Variants in CACNA2D1 observed in about 807,000 individuals in gnomAD.
CACNA2D1 encodes the protein calcium voltage-gated channel auxiliary subunit alpha2delta 1, also known as voltage-dependent calcium channel subunit alpha-2/delta-1.
In CACNA2D1, 53 loss-of-function variants were observed where a neutral mutation model predicts 171.5. The observed-to-expected ratio is 0.31, with a 90% confidence interval of 0.25 to 0.39. The LOEUF (loss-of-function observed/expected upper bound fraction) is 0.39. Ranked by LOEUF, CACNA2D1 falls within the 10% of genes least tolerant of loss-of-function variation. The pLI is 1.00. For synonymous variants in CACNA2D1, 442 were observed against 443.1 expected (o/e 1.00, Z 0.03); for missense variants, 903 against 1,299.8 (o/e 0.69, Z 4.69).
intron 1 of CACNA2D1, among the ~76,000 whole-genome samples, chr7:82,390,686 CAT>C (rs1314185289): frequency 2.0e-5 from 3 of 152,240 alleles, no homozygotes; most frequent in Admixed American, 2.0e-4. Context: ...TCAAACGACT[CAT>C]GTGATATATT....
chr7:82,039,869 G>C (rs1216784090), intron 10 of CACNA2D1, among the ~76,000 whole-genome samples: 1 of 152,172 alleles, frequency 6.6e-6, no homozygotes. Context: ...GAGGACAAAA[G>C]ACATAAAATG....
At chr7:81,981,260 A>T (rs1054947333) in intron 24 of CACNA2D1, among the ~76,000 whole-genome samples, 2 of 152,160 alleles carry the variant, frequency 1.3e-5, no homozygotes, top group African/African-American at 4.8e-5. Flanking sequence ...AACTCATGAA[A>T]GAGACAGTGA....
Position 81,965,596 on chromosome 7 carries a change from G to A in CACNA2D1, c.2572C>T (p.Gln858Ter), listed in dbSNP as rs1554331310. 1 of 1,528,070 alleles carries A rather than the reference G, an allele frequency of 6.5e-7. No individual in the cohort carries two copies. The highest frequency in any genetic ancestry group is 9.1e-7 in the Non-Finnish European group (1 of 1,102,460). The allele number at this position is 1,528,070 out of a possible 1,614,324, so 94.7% of individuals were successfully genotyped here. A position where few individuals can be genotyped will look rare whatever the true frequency, so the allele number is the denominator to read the frequency against. Residue 858 changes from glutamine (Q) to a stop codon, truncating the protein, a stop_gained and splice_region_variant, in exon 32 of 39, where the codon CAG (glutamine) becomes TAG (stop). Coordinates refer to ENST00000356860, the MANE Select transcript of CACNA2D1 (RefSeq NM_000722.4). LOFTEE classifies it high-confidence loss of function. Reference protein sequence around the residue: ...LMANHDDYTNQIGRFFGEIDP... With the variant: ...LMANHDDYTN ...TCCCTCTTATTTGAGGTACATACCT[G>A]ATTAGTATAATCATCATGATTTGCC...
chr7:82,298,162 C>T (rs1812537315), intron 3 of CACNA2D1, among the ~76,000 whole-genome samples: 1 of 152,102 alleles, frequency 6.6e-6, no homozygotes, highest in African/African-American at 2.4e-5. Flanking sequence ...GCTCCAGTAG[C>T]AAATAATGAC....
At chr7:82,194,666 A>G (rs2129192764) in intron 3 of CACNA2D1, among the ~76,000 whole-genome samples, 1 of 152,096 alleles carries the variant, frequency 6.6e-6, no homozygotes, top group East Asian at 1.9e-4. Context: ...ATGAAAAATT[A>G]ATTTTGAAAA....
At chr7:82,274,888 A>ATGAATGAG (rs1383883227) in intron 3 of CACNA2D1, among the ~76,000 whole-genome samples, 2 of 152,060 alleles carry the variant, frequency 1.3e-5, no homozygotes, top group East Asian at 3.8e-4. Flanking sequence ...GAATGAATGA[A>ATGAATGAG]TAATGGCCAA....
At chr7:82,205,150 T>C (rs1585094417) in intron 3 of CACNA2D1, among the ~76,000 whole-genome samples, 1 of 152,196 alleles carries the variant, frequency 6.6e-6, no homozygotes, top group Admixed American at 6.5e-5. Flanking sequence ...GAGTGTTCTT[T>C]CAGCTACCTG....
At chr7:81,967,693 G>C in intron 29 of CACNA2D1, 30 bp from the exon 30 acceptor site, 1 of 1,038,672 alleles carries the variant, frequency 9.6e-7, no homozygotes, top group South Asian at 1.3e-5. Context: ...TAATTCAAAG[G>C]TATAATTAGA....
intron 17 of CACNA2D1, 82 bp downstream of exon 17, chr7:82,005,683 T>C: frequency 9.7e-7 from 1 of 1,035,872 alleles, no homozygotes; most frequent in Non-Finnish European, 1.5e-6. Context: ...CCCATAATTT[T>C]TGAGAATTAC....
chr7:82,238,583 C>T (rs1395609690), intron 3 of CACNA2D1, among the ~76,000 whole-genome samples: 5 of 151,714 alleles, frequency 3.3e-5, no homozygotes, highest in African/African-American at 9.7e-5. Flanking sequence ...ATGCTGGCAA[C>T]GTTGCAGAAA....
At chr7:82,367,841 T>A (rs1041617135) in intron 1 of CACNA2D1, among the ~76,000 whole-genome samples, 5 of 152,064 alleles carry the variant, frequency 3.3e-5, no homozygotes, top group African/African-American at 1.2e-4. Context: ...AGGATATGGG[T>A]AAAAATAATC....
At chr7:82,198,489 C>T (rs557654024) in intron 3 of CACNA2D1, among the ~76,000 whole-genome samples, 1 of 152,148 alleles carries the variant, frequency 6.6e-6, no homozygotes, top group African/African-American at 2.4e-5. Context: ...ATATTAACAT[C>T]GTGATACCAT....
intron 12 of CACNA2D1, among the ~76,000 whole-genome samples, chr7:82,027,487 C>T (rs1276233305): frequency 1.3e-5 from 2 of 151,650 alleles, no homozygotes; most frequent in Non-Finnish European, 3.0e-5. Context: ...TATCAATTAG[C>T]CTTTCTCAGT....
rs180897238 is a variant in CACNA2D1 at position 82,265,703 on chromosome 7, C to T, written c.294+69432G>A. ...TATTTAGCTGTCTCGAAGATGAATT[C>T]ATCTTAAAATTATATCATTCTTCAA... On this transcript the variant is annotated intron_variant, in intron 3 of 38. Coordinates refer to ENST00000356860, the MANE Select transcript of CACNA2D1 (RefSeq NM_000722.4). 5.6e-3 allele frequency among the ~76,000 whole-genome samples: 845 copies of T among 152,146 alleles called. 6 individuals carry two copies. Among genetic ancestry groups the T allele is most frequent in the Non-Finnish European group, 7.6e-3 (516 of 68,002 alleles).
chr7:81,996,630 CAT>C lies in CACNA2D1; in HGVS notation c.1662+547_1662+548del, dbSNP rs996649813. Among the ~76,000 whole-genome samples the C allele has an allele frequency of 3.8e-4, 56 of 149,170 alleles. 1 individual carries two copies. Among genetic ancestry groups the C allele is most frequent in the Middle Eastern group, 7.0e-3 (2 of 284 alleles). On this transcript the variant is annotated intron_variant, in intron 19 of 38. Transcript: ENST00000356860. ...AAGCCTCTTGAGAATCCATGACTAA[CAT>C]ATATCATATAATGTTATTTATTATA...
chr7:82,187,329 C>T (rs1797876475), intron 3 of CACNA2D1, among the ~76,000 whole-genome samples: 1 of 152,026 alleles, frequency 6.6e-6, no homozygotes, highest in Non-Finnish European at 1.5e-5. Flanking sequence ...AATTGGAATC[C>T]TTTCAAGCAA....
At position 82,044,160 on chromosome 7, in the gene CACNA2D1, C is replaced by T. The variant is rs532509796; in HGVS notation, c.880-5925G>A. Reference sequence around the variant, plus strand: ...TTGGCCTCCCAAGCAGCTGGAATTACAGGCATGAGCCACTGTATCCAGCTC... The same window carrying T: ...TTGGCCTCCCAAGCAGCTGGAATTATAGGCATGAGCCACTGTATCCAGCTC... On this transcript the variant is annotated intron_variant, in intron 10 of 38. Transcript: ENST00000356860. Among the ~76,000 whole-genome samples the T allele has an allele frequency of 7.9e-4, 120 of 152,260 alleles. 1 individual carries two copies. The highest frequency in any genetic ancestry group is 2.6e-3 in the African/African-American group (110 of 41,568).
chr7:81,984,538 T>A, intron 22 of CACNA2D1, 97 bp downstream of exon 22: 1 of 739,946 alleles, frequency 1.4e-6, no homozygotes, highest in South Asian at 1.5e-5. Flanking sequence ...TACTAAAATA[T>A]TTCATAAGCC....
chr7:82,041,436 T>C (rs534479180), intron 10 of CACNA2D1, among the ~76,000 whole-genome samples: 11 of 152,264 alleles, frequency 7.2e-5, no homozygotes, highest in African/African-American at 1.9e-4. Context: ...AGTTACTGTC[T>C]GTGGCATTTG....
Sources: allele counts gnomAD v4.1 joint callset (sites outside exome capture counted in the v4.1 genomes callset), GRCh38; gene constraint gnomAD v4.1.1; transcripts MANE v1.5; gene names NCBI Gene and HGNC (gene_info 2026-07-23, HGNC 2026-07-21).